The following EFHD2 variants were observed in gnomAD, a reference collection of about 807,000 sequenced individuals.
EFHD2 encodes the protein EF-hand domain-containing protein D2.
EFHD2 carries 12 observed loss-of-function variants against 20.3 expected under a neutral mutation model. That is an observed-to-expected ratio of 0.59 (90% CI 0.38 to 0.96). The LOEUF (loss-of-function observed/expected upper bound fraction) is 0.96. Among genes scored for constraint, EFHD2 ranks in the 40% least tolerant of loss-of-function variants. The probability of loss-of-function intolerance (pLI) is 0.00; values close to 1 mark genes in which losing one functional copy is unlikely to be tolerated. For synonymous variants in EFHD2, 131 were observed against 143.9 expected (o/e 0.91, Z 0.64); for missense variants, 250 against 334.3 (o/e 0.75, Z 1.97).
chr1:15,418,179 A>G (rs1336794636), intron 1 of EFHD2, among the ~76,000 whole-genome samples: 2 of 150,834 alleles, frequency 1.3e-5, no homozygotes, highest in Non-Finnish European at 3.0e-5. Flanking sequence ...TAGTAGAGAC[A>G]GGGTTTCACC....
At chr1:15,412,958 C>A (rs1311976765) in intron 1 of EFHD2, among the ~76,000 whole-genome samples, 2 of 152,160 alleles carry the variant, frequency 1.3e-5, no homozygotes, top group Non-Finnish European at 2.9e-5. Context: ...GAAGCTGGAC[C>A]TCTAGGGAAG....
At position 15,425,939 on chromosome 1, in the gene EFHD2, C is replaced by A. The variant is rs1437844162; in HGVS notation, c.377C>A (p.Ala126Asp). 22 of 1,604,448 alleles carry A rather than the reference C, an allele frequency of 1.4e-5. No individual in the cohort carries two copies. Among genetic ancestry groups the A allele is most frequent in the Non-Finnish European group, 1.9e-5 (22 of 1,176,268 alleles). Residue 126 changes from alanine (A) to aspartate (D), a missense_variant, in exon 2 of 4, where the codon GCC (alanine) becomes GAC (aspartate). Physicochemically the swap from Ala to Asp is moderately radical, Grantham distance 126. Around this residue, in one of 3 missense-constraint regions of EFHD2, gnomAD observed 143 missense variants for 190.6 expected, o/e 0.75. Coordinates refer to ENST00000375980, the MANE Select transcript of EFHD2 (RefSeq NM_024329.6). ...ELKLMMEKLG[A>D]PQTHLGLKNM... Reference sequence around the variant, plus strand: ...AAACTCATGATGGAGAAACTTGGGGCCCCTCAGACCCACCTGGGCCTGAAA... The same window carrying A: ...AAACTCATGATGGAGAAACTTGGGGACCCTCAGACCCACCTGGGCCTGAAA...
chr1:15,425,737 A>G, intron 1 of EFHD2, 134 bp from the exon 2 acceptor site: 1 of 1,285,496 alleles, frequency 7.8e-7, no homozygotes, highest in South Asian at 1.5e-5. Context: ...GCCTGGACTG[A>G]GGTCCCTTCC....
rs1478120499 is a variant in EFHD2 at position 15,430,284 on chromosome 1, AT to A, written c.*1562del. The A allele has an allele frequency of 1.4e-5, 2 of 140,748 alleles. No homozygotes were observed. The highest frequency in any genetic ancestry group is 3.0e-5 in the Non-Finnish European group (2 of 66,080). The allele number at this position is 140,748 out of a possible 1,614,324, so 8.7% of individuals were successfully genotyped here. A position where few individuals can be genotyped will look rare whatever the true frequency, so the allele number is the denominator to read the frequency against. ...CACCCCCCAAAAAAGCTACTTCTTCATTCCGTGGTACGATTATTTTTTTTAA... is the reference window on the plus strand; with the variant it reads ...CACCCCCCAAAAAAGCTACTTCTTCATCCGTGGTACGATTATTTTTTTTAA... On this transcript the variant is annotated 3_prime_UTR_variant, in exon 4 of 4. Transcript: ENST00000375980.
At chr1:15,410,795 A>C (rs1400584611) in intron 1 of EFHD2, among the ~76,000 whole-genome samples, 4 of 119,846 alleles carry the variant, frequency 3.3e-5, no homozygotes. Context: ...CCTCGACACC[A>C]CATGCCAACC....
chr1:15,414,449 G>A (rs1707614060), intron 1 of EFHD2, among the ~76,000 whole-genome samples: 1 of 152,378 alleles, frequency 6.6e-6, no homozygotes, highest in Non-Finnish European at 1.5e-5. Context: ...CCTCACGCTG[G>A]AACAGCGGGG....
chr1:15,428,097 G>A (rs1707904159), intron 3 of EFHD2: 1 of 425,466 alleles, frequency 2.4e-6, no homozygotes, highest in Admixed American at 2.6e-5. Context: ...GCTCAGGAAG[G>A]TGAATGAAGT....
chr1:15,416,200 C>A (rs1707667001), intron 1 of EFHD2, among the ~76,000 whole-genome samples: 1 of 152,192 alleles, frequency 6.6e-6, no homozygotes, highest in African/African-American at 2.4e-5. Context: ...GGCTTCCTCG[C>A]TCTCCTCCAT....
In EFHD2 at chr1:15,410,293, C is replaced by G. The variant is rs1384137252; in HGVS notation, c.308+14C>G. 3 of 1,578,440 alleles carry G rather than the reference C, an allele frequency of 1.9e-6. No homozygotes were observed. Among genetic ancestry groups the G allele is most frequent in the African/African-American group, 1.4e-5 (1 of 69,892 alleles). On this transcript the variant is annotated intron_variant, in intron 1 of 3. Coordinates refer to ENST00000375980, the MANE Select transcript of EFHD2 (RefSeq NM_024329.6). Reference sequence around the variant, plus strand: ...GATGTTCAAGCAGTAAGTGCCCGCGCGACCCGGCCCCCCGCCCGCCCCGCG... The same window carrying G: ...GATGTTCAAGCAGTAAGTGCCCGCGGGACCCGGCCCCCCGCCCGCCCCGCG...
chr1:15,425,253 G>A (rs113454965), intron 1 of EFHD2, among the ~76,000 whole-genome samples: 4,624 of 152,176 alleles, frequency 0.03, 229 homozygotes, highest in African/African-American at 0.1. Flanking sequence ...GGCCAGGCAC[G>A]GTGGCTCATG....
At chr1:15,422,937 T>C (rs1707818431) in intron 1 of EFHD2, among the ~76,000 whole-genome samples, 1 of 151,142 alleles carries the variant, frequency 6.6e-6, no homozygotes, top group Admixed American at 6.6e-5. Flanking sequence ...AGCCTGACTG[T>C]CATCGCTGAC....
chr1:15,413,542 G>A lies in EFHD2; in HGVS notation c.308+3263G>A, dbSNP rs962540692. Among the ~76,000 whole-genome samples the A allele has an allele frequency of 5.9e-5, 9 of 152,132 alleles. No homozygotes were observed. Among genetic ancestry groups the A allele is most frequent in the Non-Finnish European group, 5.9e-5 (4 of 68,022 alleles). On this transcript the variant is annotated intron_variant, in intron 1 of 3. Coordinates refer to ENST00000375980, the MANE Select transcript of EFHD2 (RefSeq NM_024329.6). The surrounding 1 kb of genome is among the most constrained non-coding windows in gnomAD (Gnocchi z 4.4). ...CAGGTACTTCCTGAGGCTGGAGATC[G>A]AGGGGGAAGAGAGGGGATGGGGGAA...
intron 1 of EFHD2, among the ~76,000 whole-genome samples, chr1:15,425,276 A>G (rs901857242): frequency 1.3e-4 from 20 of 151,926 alleles, no homozygotes; most frequent in African/African-American, 4.6e-4. Flanking sequence ...TGTAATCCCC[A>G]TACTTTGGGA....
chr1:15,419,368 T>C (rs946537128), intron 1 of EFHD2, among the ~76,000 whole-genome samples: 7 of 152,218 alleles, frequency 4.6e-5, no homozygotes, highest in Non-Finnish European at 1.0e-4. Context: ...CTCCCTCCGG[T>C]GCTGGAGAAA....
Position 15,427,179 on chromosome 1 carries a change from C to T in EFHD2, c.486C>T (p.Ala162=), listed in dbSNP as rs148984140. The T allele has an allele frequency of 9.9e-5, 160 of 1,610,136 alleles. 14 individuals carry two copies. The highest frequency in any genetic ancestry group is 7.9e-4 in the Admixed American group (47 of 59,478). ...TCCTGATCTTCCGCAAGGCGGCGGC[C>T]GGGGAGCTTCAGGAGGACAGCGGGC... ...EFLLIFRKAA[A]GELQEDSGLC... is the part of the protein sequence containing the mutation. The change falls in exon 3 of 4, where the codon GCC becomes GCT. Residue 162 remains alanine, a synonymous_variant. Transcript: ENST00000375980.
rs531729399 is a variant in EFHD2, at chr1:15,413,897, C to T, written c.308+3618C>T. 1.3e-5 allele frequency among the ~76,000 whole-genome samples: 2 copies of T among 152,340 alleles called. No individual in the cohort carries two copies. The highest frequency in any genetic ancestry group is 2.1e-4 in the South Asian group (1 of 4,824). On this transcript the variant is annotated intron_variant, in intron 1 of 3. Coordinates refer to ENST00000375980, the MANE Select transcript of EFHD2 (RefSeq NM_024329.6). This position sits in a 1 kb window ranked among gnomAD's most constrained non-coding sequence, Gnocchi z 4.4. ...AGGACTCTCCATCCCCGTCTCCGTG[C>T]GGCCTCAGGCTACGTCCAGCATCTC... is the stretch of plus-strand genomic sequence containing the variant.
At position 15,419,451 on chromosome 1, in the gene EFHD2, A is replaced by G. The variant is rs565689863; in HGVS notation, c.309-6420A>G. ...GCATTGGCCTTCCCAAACAGGCACCAAGCTGGGCTCTCAGTCCAGCCTCCA... is the reference window on the plus strand; with the variant it reads ...GCATTGGCCTTCCCAAACAGGCACCGAGCTGGGCTCTCAGTCCAGCCTCCA... On this transcript the variant is annotated intron_variant, in intron 1 of 3. Coordinates refer to ENST00000375980, the MANE Select transcript of EFHD2 (RefSeq NM_024329.6). Among the ~76,000 whole-genome samples the G allele has an allele frequency of 1.2e-4, 18 of 152,352 alleles. No individual in the cohort carries two copies. In the East Asian group the frequency reaches 3.5e-3, roughly 29 times the overall value.
At position 15,427,301 on chromosome 1, in the gene EFHD2, G is replaced by T. The variant is rs1707888361; in HGVS notation, c.591+17G>T. On this transcript the variant is annotated intron_variant, in intron 3 of 3. Coordinates refer to ENST00000375980, the MANE Select transcript of EFHD2 (RefSeq NM_024329.6). Reference sequence around the variant, plus strand: ...GAGGCCAAGGTGAGGAGCCCAAGGGGTGCCCTGACCCACGCTCCAGGACAA... The same window carrying T: ...GAGGCCAAGGTGAGGAGCCCAAGGGTTGCCCTGACCCACGCTCCAGGACAA... 1 of 1,600,098 alleles carries T rather than the reference G, an allele frequency of 6.2e-7. No homozygotes were observed. The highest frequency in any genetic ancestry group is 8.5e-7 in the Non-Finnish European group (1 of 1,174,026).
At chr1:15,411,177 C>T (rs1707498814) in intron 1 of EFHD2, among the ~76,000 whole-genome samples, 1 of 150,796 alleles carries the variant, frequency 6.6e-6, no homozygotes, top group African/African-American at 2.4e-5. Flanking sequence ...GCAAGGCCCC[C>T]CATCTCTCCT....
Sources: gnomAD v4.1 joint callset for allele counts (sites outside exome capture counted in the v4.1 genomes callset) on GRCh38, gnomAD v4.1.1 for gene constraint, gnomAD v4.1.1 regional missense constraint, Gnocchi (gnomAD v3.1) non-coding constraint, MANE v1.5 for transcripts, NCBI Gene and HGNC (gene_info 2026-07-23, HGNC 2026-07-21) for gene names.